ZNF766: variants seen among roughly 807,000 people sequenced by gnomAD.
ZNF766 encodes zinc finger protein 766.
A neutral mutation model predicts 13.2 loss-of-function variants in ZNF766; 13 were observed. The observed-to-expected ratio is 0.98, with a 90% CI of 0.64 to 1.56. The LOEUF is 1.56. ZNF766 is among the 40% of genes most tolerant of loss of function. ZNF766 has a pLI of 0.00. For synonymous variants in ZNF766, 178 were observed against 187.6 expected (o/e 0.95, Z 0.42); for missense variants, 521 against 552.2 (o/e 0.94, Z 0.57).
intron 1 of ZNF766, among the ~76,000 whole-genome samples, chr19:52,270,640 A>G (rs1980935965): frequency 6.6e-6 from 1 of 152,084 alleles, no homozygotes; most frequent in African/African-American, 2.4e-5. Context: ...CAGTAGGGAC[A>G]AGGGGGCGTG....
intron 1 of ZNF766, among the ~76,000 whole-genome samples, chr19:52,270,243 T>G (rs1980916968): frequency 6.6e-6 from 1 of 152,010 alleles, no homozygotes; most frequent in Non-Finnish European, 1.5e-5. Flanking sequence ...GTCCCCTCCC[T>G]GTGAATGTGA....
rs375381161 is a variant in ZNF766 at position 52,290,113 on chromosome 19, A to G, written c.322A>G (p.Asn108Asp). The change falls in exon 4 of 4, where the codon AAT becomes GAT. Residue 108 changes from asparagine (N) to aspartate (D), a missense_variant. Asn to Asp is a conservative substitution (Grantham distance 23). Coordinates refer to ENST00000439461, the MANE Select transcript of ZNF766 (RefSeq NM_001010851.3). ...RSKAGNKPIT[N>D]QLGLTFQLPL... ...CAAAGCAGGAAACAAGCCTATTACA[A>G]ATCAACTTGGATTAACCTTTCAGTT... The G allele has an allele frequency of 5.6e-6, 9 of 1,613,986 alleles. No homozygotes were observed. The highest frequency in any genetic ancestry group is 3.3e-4 in the Middle Eastern group (2 of 6,062).
chr19:52,282,756 G>A (rs555148761), intron 2 of ZNF766, among the ~76,000 whole-genome samples: 6 of 152,200 alleles, frequency 3.9e-5, no homozygotes, highest in Admixed American at 1.3e-4. Flanking sequence ...GGTGGTACCT[G>A]GGCTTAAGTG....
intron 1 of ZNF766, among the ~76,000 whole-genome samples, chr19:52,274,166 T>C (rs1284911874): frequency 6.6e-6 from 1 of 152,146 alleles, no homozygotes; most frequent in Non-Finnish European, 1.5e-5. Context: ...GTCCTGTATG[T>C]CCCCCTGTAT....
At chr19:52,288,188 T>G (rs886434628) in intron 3 of ZNF766, 1 of 262,920 alleles carries the variant, frequency 3.8e-6, no homozygotes, top group African/African-American at 2.4e-5. Flanking sequence ...GTCCAGCTAA[T>G]TTTTTGAATT....
At position 52,277,505 on chromosome 19, in the gene ZNF766, G is replaced by T. The variant is rs563715631; in HGVS notation, c.19-4606G>T. The stretch of plus-strand genomic sequence containing the variant: ...TGTTATGTGAAGGAGAAGCCCAGAA[G>T]AGGAAAGCAGAGGAGTCAGGCATGC... On this transcript the variant is annotated intron_variant, in intron 1 of 3. Coordinates refer to ENST00000439461, the MANE Select transcript of ZNF766 (RefSeq NM_001010851.3). The T allele has an allele frequency of 1.3e-5, 21 of 1,576,022 alleles. No individual in the cohort carries two copies. In the South Asian group the frequency reaches 2.3e-4, roughly 17 times the overall value.
chr19:52,280,207 A>AATAATG (rs1189492947), intron 1 of ZNF766, among the ~76,000 whole-genome samples: 4 of 152,184 alleles, frequency 2.6e-5, no homozygotes, highest in African/African-American at 9.7e-5. Flanking sequence ...TAGCAAAAAT[A>AATAATG]ATAATGACTG....
intron 2 of ZNF766, 29 bp from the exon 3 acceptor site, chr19:52,283,256 C>G (rs1250844310): frequency 1.9e-6 from 3 of 1,606,786 alleles, no homozygotes; most frequent in Non-Finnish European, 2.5e-6. Flanking sequence ...GACATCACAG[C>G]ACATCTTGAT....
intron 1 of ZNF766, 111 bp downstream of exon 1, chr19:52,269,742 A>C: frequency 7.4e-7 from 1 of 1,358,192 alleles, no homozygotes; most frequent in East Asian, 2.6e-5. Flanking sequence ...CGCTCTCTCC[A>C]CCCCGAGTAA....
At chr19:52,286,678 AC>A (rs1182390761) in intron 3 of ZNF766, among the ~76,000 whole-genome samples, 1 of 152,190 alleles carries the variant, frequency 6.6e-6, no homozygotes, top group African/African-American at 2.4e-5. Flanking sequence ...GTGGGATATT[AC>A]ATAGACTAAT....
rs1982175483 is a variant in ZNF766 at position 52,292,103 on chromosome 19, G to T, written c.*905G>T. ...AAAGAAAAAAAAGGCTAGTTTTTATGACTTCAACCTGAACTTTGAAATTTC... is the reference window on the plus strand; with the variant it reads ...AAAGAAAAAAAAGGCTAGTTTTTATTACTTCAACCTGAACTTTGAAATTTC... On this transcript the variant is annotated 3_prime_UTR_variant, in exon 4 of 4. Coordinates refer to ENST00000439461, the MANE Select transcript of ZNF766 (RefSeq NM_001010851.3). The T allele has an allele frequency of 1.4e-6, 1 of 698,378 alleles. No individual in the cohort carries two copies. The highest frequency in any genetic ancestry group is 2.6e-6 in the Non-Finnish European group (1 of 383,758). The allele number at this position is 698,378 out of a possible 1,614,324, so 43.3% of individuals were successfully genotyped here. A position where few individuals can be genotyped will look rare whatever the true frequency, so the allele number is the denominator to read the frequency against.
At chr19:52,282,013 C>A in intron 1 of ZNF766, 98 bp from the exon 2 acceptor site, 1 of 1,426,900 alleles carries the variant, frequency 7.0e-7, no homozygotes, top group Non-Finnish European at 9.6e-7. Flanking sequence ...TTCACGTCAG[C>A]ACTTCAGTTG....
rs1366754475 is a variant in ZNF766 at position 52,277,110 on chromosome 19, G to A, written c.19-5001G>A. The A allele has an allele frequency of 1.2e-5, 12 of 1,017,306 alleles. No homozygotes were observed. The East Asian group carries it at 5.9e-4, about 50-fold the overall frequency. 63.0% of individuals were successfully genotyped at this position (1,017,306 alleles called of 1,614,324 possible). On this transcript the variant is annotated intron_variant, in intron 1 of 3. Transcript: ENST00000439461. The stretch of plus-strand genomic sequence containing the variant: ...TGTGTGGTTGTGGCACAGGAAGAAA[G>A]TATGTTGATTCTAAACCCTAAACAG...
rs1386868372 is a variant in ZNF766, at chr19:52,290,613, T to C, written c.822T>C (p.Asn274=). ...VHTGESPYKC[N]ECGKVFSRIT... is the part of the protein sequence containing the mutation. ...CTGGAGAGAGTCCTTACAAATGTAA[T>C]GAGTGTGGCAAGGTCTTCAGTCGAA... The change falls in exon 4 of 4, where the codon AAT becomes AAC. Residue 274 remains asparagine (N), a synonymous_variant. Transcript: ENST00000439461. 1.9e-6 allele frequency: 3 copies of C among 1,613,922 alleles called. No individual in the cohort carries two copies. Among genetic ancestry groups the C allele is most frequent in the Non-Finnish European group, 2.5e-6 (3 of 1,179,980 alleles).
In ZNF766 at chr19:52,294,963, A is replaced by G. The variant is rs1982287693; in HGVS notation, c.*3765A>G. 6.6e-6 allele frequency: 1 copy of G among 150,976 alleles called. No homozygotes were observed. The highest frequency in any genetic ancestry group is 1.5e-5 in the Non-Finnish European group (1 of 67,790). 9.4% of individuals were successfully genotyped at this position (150,976 alleles called of 1,614,324 possible). A position where few individuals can be genotyped will look rare whatever the true frequency, so the allele number is the denominator to read the frequency against. Reference sequence around the variant, plus strand: ...TATAATGTATTATATAATATGATTAAAATATATTTGTTATAAATATGATAT... The same window carrying G: ...TATAATGTATTATATAATATGATTAGAATATATTTGTTATAAATATGATAT... On this transcript the variant is annotated 3_prime_UTR_variant, in exon 4 of 4. Coordinates refer to ENST00000439461, the MANE Select transcript of ZNF766 (RefSeq NM_001010851.3).
At chr19:52,277,632 C>A in intron 1 of ZNF766, 2 of 1,378,662 alleles carry the variant, frequency 1.5e-6, no homozygotes, top group Admixed American at 2.0e-5. Context: ...GAGTCTGAAG[C>A]ATCCTGCCTG....
At position 52,290,110 on chromosome 19, in the gene ZNF766, A is replaced by T. The variant is rs1163732647; in HGVS notation, c.319A>T (p.Thr107Ser). ...AAGCAAAGCAGGAAACAAGCCTATT[A>T]CAAATCAACTTGGATTAACCTTTCA... ...VRSKAGNKPITNQLGLTFQLP... is the reference protein window; with the variant it reads ...VRSKAGNKPISNQLGLTFQLP... The change falls in exon 4 of 4, where the codon ACA becomes TCA. Residue 107 changes from threonine (T) to serine (S), a missense_variant. Physicochemically the swap from Thr to Ser is moderately conservative, Grantham distance 58 (BLOSUM62 1). Coordinates refer to ENST00000439461, the MANE Select transcript of ZNF766 (RefSeq NM_001010851.3). 2 of 1,613,986 alleles carry T rather than the reference A, an allele frequency of 1.2e-6. No homozygotes were observed. Among genetic ancestry groups the T allele is most frequent in the South Asian group, 2.2e-5 (2 of 91,046 alleles).
chr19:52,273,645 A>G (rs1284269687), intron 1 of ZNF766, among the ~76,000 whole-genome samples: 2 of 152,192 alleles, frequency 1.3e-5, no homozygotes, highest in African/African-American at 2.4e-5. Context: ...TACCTTCTTC[A>G]TGGAGGGTTC....
At chr19:52,278,779 T>C (rs1981341166) in intron 1 of ZNF766, among the ~76,000 whole-genome samples, 1 of 152,208 alleles carries the variant, frequency 6.6e-6, no homozygotes, top group South Asian at 2.1e-4. Flanking sequence ...TATTAGACCT[T>C]TGTTAGATGC....
Sources: gnomAD v4.1 joint callset for allele counts (sites outside exome capture counted in the v4.1 genomes callset) on GRCh38, gnomAD v4.1.1 for gene constraint, MANE v1.5 for transcripts, NCBI Gene and HGNC (gene_info 2026-07-23, HGNC 2026-07-21) for gene names.